The following RFC3 variants were observed in gnomAD, a reference collection of about 807,000 sequenced individuals.
RFC3 encodes A1 38 kDa subunit.
A neutral mutation model predicts 45.1 loss-of-function variants in RFC3; 41 were observed. That is an observed-to-expected ratio of 0.91 (90% CI 0.71 to 1.18). The LOEUF (loss-of-function observed/expected upper bound fraction) is 1.18, where lower values mean the gene tolerates loss of function less well. Ranked by LOEUF, RFC3 falls within the 50% of genes most tolerant of loss-of-function variation. The probability of loss-of-function intolerance (pLI) is 0.00; values close to 1 mark genes in which losing one functional copy is unlikely to be tolerated. For synonymous variants in RFC3, 149 were observed against 144.0 expected (o/e 1.03, Z -0.25); for missense variants, 423 against 428.1 (o/e 0.99, Z 0.10).
At chr13:33,906,309 A>T (rs112003271) in intron 8 of RFC3, among the ~76,000 whole-genome samples, 1 of 151,852 alleles carries the variant, frequency 6.6e-6, no homozygotes, top group African/African-American at 2.4e-5. Flanking sequence ...TAATAAACCG[A>T]TTTATAAGAA....
intron 8 of RFC3, among the ~76,000 whole-genome samples, chr13:33,954,301 A>T (rs1593716439): frequency 6.6e-6 from 1 of 152,216 alleles, no homozygotes; most frequent in African/African-American, 2.4e-5. Context: ...AAGGAAAAAG[A>T]TCACAATTCA....
intron 8 of RFC3, among the ~76,000 whole-genome samples, chr13:33,908,299 C>T (rs1217387010): frequency 2.0e-5 from 3 of 152,014 alleles, no homozygotes; most frequent in Non-Finnish European, 4.4e-5. Flanking sequence ...TGGAAACCAT[C>T]CAGAGCATCA....
intron 8 of RFC3, among the ~76,000 whole-genome samples, chr13:33,854,415 C>G (rs1365520231): frequency 6.6e-6 from 1 of 152,150 alleles, no homozygotes; most frequent in Non-Finnish European, 1.5e-5. Flanking sequence ...CTCAAGTAGC[C>G]TTGAAAGGGG....
At chr13:33,903,605 A>G (rs536023446) in intron 8 of RFC3, among the ~76,000 whole-genome samples, 20 of 152,086 alleles carry the variant, frequency 1.3e-4, no homozygotes, top group Non-Finnish European at 2.5e-4. Context: ...GATGTCCTCA[A>G]TATTTTTCCC....
chr13:33,898,022 C>A (rs888875940), intron 8 of RFC3, among the ~76,000 whole-genome samples: 3 of 151,824 alleles, frequency 2.0e-5, no homozygotes, highest in African/African-American at 7.2e-5. Flanking sequence ...ACTAACAGAT[C>A]TAAAGGGAGA....
chr13:33,968,434 A>G (rs2083097726), downstream of RFC3, among the ~76,000 whole-genome samples: 1 of 152,106 alleles, frequency 6.6e-6, no homozygotes, highest in Non-Finnish European at 1.5e-5. Flanking sequence ...CCCAGCATTT[A>G]CTCTTTACAA....
At chr13:33,891,749 C>T (rs1364734887) in intron 8 of RFC3, among the ~76,000 whole-genome samples, 1 of 152,088 alleles carries the variant, frequency 6.6e-6, no homozygotes, top group Non-Finnish European at 1.5e-5. Context: ...TGCTCTACTT[C>T]TACAATGTCA....
At chr13:33,924,254 A>G (rs751826068) in intron 8 of RFC3, among the ~76,000 whole-genome samples, 11 of 152,030 alleles carry the variant, frequency 7.2e-5, no homozygotes, top group Non-Finnish European at 1.5e-4. Flanking sequence ...TTATTTTTAT[A>G]CAAACATCAC....
intron 8 of RFC3, among the ~76,000 whole-genome samples, chr13:33,866,027 C>G (rs1424975933): frequency 6.6e-6 from 1 of 152,118 alleles, no homozygotes; most frequent in African/African-American, 2.4e-5. Flanking sequence ...CCATTGCACT[C>G]CAGCCTGGGC....
intron 8 of RFC3, among the ~76,000 whole-genome samples, chr13:33,958,031 A>G (rs997535548): frequency 5.3e-5 from 8 of 152,188 alleles, no homozygotes; most frequent in Non-Finnish European, 1.2e-4. Flanking sequence ...TACTAACAAA[A>G]TTAGACTCCA....
intron 8 of RFC3, among the ~76,000 whole-genome samples, chr13:33,904,563 C>T (rs1230011051): frequency 1.3e-5 from 2 of 152,014 alleles, no homozygotes; most frequent in Non-Finnish European, 2.9e-5. Context: ...AATCCATCTT[C>T]CTGGTGTCAG....
chr13:33,826,099 C>G (rs1441447402), intron 4 of RFC3, among the ~76,000 whole-genome samples: 1 of 152,070 alleles, frequency 6.6e-6, no homozygotes, highest in Admixed American at 6.6e-5. Flanking sequence ...GATTTAAAAT[C>G]AGAAATTACA....
intron 4 of RFC3, among the ~76,000 whole-genome samples, chr13:33,826,248 A>G (rs1467982577): frequency 6.6e-6 from 1 of 152,080 alleles, no homozygotes; most frequent in Non-Finnish European, 1.5e-5. Context: ...CCATCCAAGC[A>G]TTTTTTTCTA....
intron 8 of RFC3, among the ~76,000 whole-genome samples, chr13:33,864,849 C>G (rs1333013354): frequency 6.6e-6 from 1 of 152,028 alleles, no homozygotes; most frequent in East Asian, 1.9e-4. Flanking sequence ...ATTCCAAGAA[C>G]CTAACCTGAG....
chr13:33,882,155 A>G (rs2082489231), intron 8 of RFC3, among the ~76,000 whole-genome samples: 1 of 152,156 alleles, frequency 6.6e-6, no homozygotes, highest in Non-Finnish European at 1.5e-5. Context: ...GCTTCCCCTG[A>G]TGTTAGCATC....
intron 8 of RFC3, among the ~76,000 whole-genome samples, chr13:33,932,144 A>G (rs2082856557): frequency 6.6e-6 from 1 of 152,288 alleles, no homozygotes; most frequent in Middle Eastern, 3.4e-3. Flanking sequence ...CATGAAATTT[A>G]CCATCTCAAT....
intron 8 of RFC3, among the ~76,000 whole-genome samples, chr13:33,933,989 AGAG>A (rs113923090): frequency 0.079 from 11,880 of 151,320 alleles, 586 homozygotes; most frequent in East Asian, 0.15. Context: ...ACTAGAGGAG[AGAG>A]GAGAAGGTGG....
downstream of RFC3, among the ~76,000 whole-genome samples, chr13:33,968,017 TATA>T (rs1792759244): frequency 6.6e-6 from 1 of 152,194 alleles, no homozygotes; most frequent in Admixed American, 6.5e-5. Flanking sequence ...AAGACAAAGG[TATA>T]ATGATTTTAT....
intron 8 of RFC3, among the ~76,000 whole-genome samples, chr13:33,942,924 G>A (rs993040481): frequency 6.6e-6 from 1 of 152,142 alleles, no homozygotes; most frequent in African/African-American, 2.4e-5. Context: ...CTGCTAAGGT[G>A]CCATAAAGCA....
Sources: gnomAD v4.1 joint callset for allele counts (sites outside exome capture counted in the v4.1 genomes callset) on GRCh38, gnomAD v4.1.1 for gene constraint, MANE v1.5 for transcripts, NCBI Gene and HGNC (gene_info 2026-07-23, HGNC 2026-07-21) for gene names.